DMGDH: variants seen among roughly 807,000 people sequenced by gnomAD.
The protein encoded by DMGDH is dimethylglycine dehydrogenase, mitochondrial.
In DMGDH, 76 loss-of-function variants were observed where a neutral mutation model predicts 95.2. The observed-to-expected ratio is 0.80, with a 90% CI of 0.66 to 0.97. DMGDH has a LOEUF of 0.97. Ranked by LOEUF, DMGDH falls within the 50% of genes least tolerant of loss-of-function variation. DMGDH has a pLI of 0.00. For synonymous variants in DMGDH, 345 were observed against 377.6 expected, an observed-to-expected ratio of 0.91 and a Z score of 1.00; for missense variants, 987 against 1,055.0, an observed-to-expected ratio of 0.94 and a Z score of 0.89.
At chr5:79,020,998 ACTAAACAAAGG>A in intron 14 of DMGDH, 9 of 985,468 alleles carry the variant, frequency 9.1e-6, no homozygotes, top group Non-Finnish European at 1.1e-5. Flanking sequence ...TCCATCTCCA[ACTAAACAAAGG>A]CTACTGATTT....
chr5:79,001,671 T>G (rs576260910), intron 15 of DMGDH, among the ~76,000 whole-genome samples: 1 of 152,288 alleles, frequency 6.6e-6, no homozygotes, highest in East Asian at 1.9e-4. Flanking sequence ...TCTCATCTCC[T>G]AACATCCCAG....
intron 14 of DMGDH, chr5:79,020,548 G>T: frequency 2.1e-6 from 1 of 483,038 alleles, no homozygotes; most frequent in Non-Finnish European, 2.7e-6. Flanking sequence ...GGTACTAAGC[G>T]CTTTGCCTCT....
Position 79,069,505 on chromosome 5 carries a change from CG to C in DMGDH, c.101+14del. On this transcript the variant is annotated intron_variant, in intron 1 of 15. Coordinates refer to ENST00000255189, the MANE Select transcript of DMGDH (RefSeq NM_013391.3). Reference sequence around the variant, plus strand: ...GCCGCCCCGTCGCCTCTGAGCAGGACGGGGCCCCACTCACCCTTCCCGGCCG... The same window carrying C: ...GCCGCCCCGTCGCCTCTGAGCAGGACGGGCCCCACTCACCCTTCCCGGCCG... The C allele has an allele frequency of 7.9e-7, 1 of 1,271,344 alleles. No individual in the cohort carries two copies. The highest frequency in any genetic ancestry group is 9.9e-7 in the Non-Finnish European group (1 of 1,008,618). 78.8% of individuals were successfully genotyped at this position (1,271,344 alleles called of 1,614,324 possible). A position where few individuals can be genotyped will look rare whatever the true frequency, so the allele number is the denominator to read the frequency against.
At chr5:79,039,716 T>A (rs1245735380) in intron 7 of DMGDH, among the ~76,000 whole-genome samples, 2 of 151,708 alleles carry the variant, frequency 1.3e-5, no homozygotes, top group South Asian at 2.1e-4. Context: ...ATAATAATAA[T>A]AAATAATAAT....
chr5:79,041,402 G>A (rs248381), intron 7 of DMGDH, among the ~76,000 whole-genome samples: 70,594 of 152,030 alleles, frequency 0.46, 16,996 homozygotes, highest in East Asian at 0.64. Flanking sequence ...TAGTTGAGTG[G>A]GCTTGACATC....
rs776713245 is a variant in DMGDH at position 79,030,890 on chromosome 5, G to A, written c.1626C>T (p.Ile542=). The A allele has an allele frequency of 1.2e-5, 20 of 1,613,966 alleles. 1 individual carries two copies. The Admixed American group carries it at 3.3e-4, about 27-fold the overall frequency. Residue 542 remains isoleucine, a synonymous_variant, in exon 10 of 16, where the codon ATC becomes ATT. Coordinates refer to ENST00000255189, the MANE Select transcript of DMGDH (RefSeq NM_013391.3). Reference sequence around the variant, plus strand: ...GTAGTCTAATGGAATCTTGGCCTTTGATGTTAAACTTGCCAAATGGTGATA... The same window carrying A: ...GTAGTCTAATGGAATCTTGGCCTTTAATGTTAAACTTGCCAAATGGTGATA... ...TDLSPFGKFN[I]KGQDSIRLLD...
At chr5:79,020,650 C>T (rs1330654410) in intron 14 of DMGDH, 2 of 966,528 alleles carry the variant, frequency 2.1e-6, no homozygotes, top group Non-Finnish European at 2.5e-6. Context: ...TTTCTAGAAT[C>T]AACATTGTCT....
chr5:79,033,824 C>T (rs2049163), intron 7 of DMGDH, among the ~76,000 whole-genome samples: 50,465 of 151,904 alleles, frequency 0.33, 9,151 homozygotes, highest in African/African-American at 0.49. Flanking sequence ...CCCAGGTACA[C>T]GGGTGGCTGA....
intron 12 of DMGDH, among the ~76,000 whole-genome samples, chr5:79,026,830 A>T (rs1359258327): frequency 6.6e-6 from 1 of 152,166 alleles, no homozygotes; most frequent in Non-Finnish European, 1.5e-5. Context: ...TCTTGTCATG[A>T]CACAGAAAGA....
At chr5:79,036,137 G>T (rs946564771) in intron 7 of DMGDH, among the ~76,000 whole-genome samples, 1 of 152,204 alleles carries the variant, frequency 6.6e-6, no homozygotes, top group African/African-American at 2.4e-5. Flanking sequence ...AGAATTAATT[G>T]CCAAGGCATT....
intron 2 of DMGDH, among the ~76,000 whole-genome samples, chr5:79,056,591 T>C (rs1215065375): frequency 6.7e-6 from 1 of 149,026 alleles, no homozygotes; most frequent in East Asian, 2.0e-4. Flanking sequence ...TGGTGGCTCA[T>C]GCCTGTAATC....
intron 14 of DMGDH, chr5:79,020,829 C>T (rs1280744499): frequency 3.0e-6 from 3 of 985,222 alleles, no homozygotes; most frequent in Non-Finnish European, 3.6e-6. Context: ...TGATGTGCTT[C>T]AACACATTAC....
chr5:79,014,560 T>C (rs773547403), intron 14 of DMGDH, among the ~76,000 whole-genome samples: 11 of 152,230 alleles, frequency 7.2e-5, no homozygotes, highest in East Asian at 1.9e-4. Flanking sequence ...GAGGCCTCAA[T>C]AGGGACCCAA....
At chr5:79,052,945 A>C (rs1754911179) in intron 4 of DMGDH, among the ~76,000 whole-genome samples, 2 of 152,142 alleles carry the variant, frequency 1.3e-5, no homozygotes, top group Admixed American at 1.3e-4. Context: ...ACCAGCAGGG[A>C]AATAAGCATG....
At chr5:78,999,549 G>A (rs96523) in intron 15 of DMGDH, among the ~76,000 whole-genome samples, 28,194 of 151,960 alleles carry the variant, frequency 0.19, 2,697 homozygotes, top group Admixed American at 0.22. Flanking sequence ...TAGCCAGGAT[G>A]GTCTCGAACT....
intron 9 of DMGDH, 92 bp downstream of exon 9, chr5:79,032,595 G>T: frequency 6.5e-7 from 1 of 1,534,028 alleles, no homozygotes; most frequent in Non-Finnish European, 9.0e-7. Context: ...ACAGGGTGGA[G>T]CAATGGAGTG....
At chr5:79,061,406 A>G (rs1242840339) in intron 2 of DMGDH, among the ~76,000 whole-genome samples, 1 of 152,180 alleles carries the variant, frequency 6.6e-6, no homozygotes, top group East Asian at 1.9e-4. Flanking sequence ...CTGATGCCTG[A>G]TTCCACCTTG....
At chr5:79,068,013 G>T (rs939133628) in intron 1 of DMGDH, among the ~76,000 whole-genome samples, 1 of 152,226 alleles carries the variant, frequency 6.6e-6, no homozygotes, top group Non-Finnish European at 1.5e-5. Flanking sequence ...CGCCTCCCAG[G>T]TTCAAGCGAT....
Position 79,051,387 on chromosome 5 carries a change from A to G in DMGDH, c.645T>C (p.Tyr215=), listed in dbSNP as rs201894640. Residue 215 remains tyrosine, a synonymous_variant, in exon 5 of 16, where the codon TAT becomes TAC. Coordinates refer to ENST00000255189, the MANE Select transcript of DMGDH (RefSeq NM_013391.3). ...CTTTCAGAGAAGTTACTGGTGCAGG[A>G]TATTTTAAAAGGGCACCACATTTCC... ...GARKCGALLK[Y]PAPVTSLKAR... The G allele has an allele frequency of 2.5e-6, 4 of 1,614,206 alleles. No individual in the cohort carries two copies. Among genetic ancestry groups the G allele is most frequent in the Non-Finnish European group, 3.4e-6 (4 of 1,180,036 alleles).
Sources: gnomAD v4.1 joint callset for allele counts (sites outside exome capture counted in the v4.1 genomes callset) on GRCh38, gnomAD v4.1.1 for gene constraint, MANE v1.5 for transcripts, NCBI Gene and HGNC (gene_info 2026-07-23, HGNC 2026-07-21) for gene names.